NBEA: variants seen among roughly 807,000 people sequenced by gnomAD.
The protein encoded by NBEA is lysosomal-trafficking regulator 2.
Under a neutral mutation model 343.4 loss-of-function variants are expected in NBEA, and 44 were observed. The observed-to-expected ratio is 0.13, with a 90% confidence interval of 0.10 to 0.16. The LOEUF (loss-of-function observed/expected upper bound fraction) is 0.16, where lower values mean the gene tolerates loss of function less well. Ranked by LOEUF, NBEA falls within the 10% of genes least tolerant of loss-of-function variation. The pLI is 1.00. For synonymous variants in NBEA, 1,175 were observed against 1,238.7 expected (o/e 0.95, Z 1.08); for missense variants, 2,555 against 3,631.3 (o/e 0.70, Z 7.62).
chr13:35,306,494 A>T (rs1049397859), intron 35 of NBEA, among the ~76,000 whole-genome samples: 1 of 151,938 alleles, frequency 6.6e-6, no homozygotes, highest in Admixed American at 6.6e-5. Context: ...TTTTTAATGT[A>T]TACAATATCT....
chr13:35,164,587 A>G (rs1371343448), intron 24 of NBEA, 78 bp downstream of exon 24: 1 of 1,440,676 alleles, frequency 6.9e-7, no homozygotes, highest in African/African-American at 1.4e-5. Context: ...TCTAGGCTAT[A>G]AACACATTTT....
rs766699214 is a variant in NBEA, at chr13:35,157,249, C to G, written c.2823C>G (p.Thr941=). 2.5e-6 allele frequency: 4 copies of G among 1,585,898 alleles called. No individual in the cohort carries two copies. Among genetic ancestry groups the G allele is most frequent in the South Asian group, 1.2e-5 (1 of 84,786 alleles). ...GAGGCTGGAGAGTCTGGGTGGATAC[C>G]CTCTCAATAGCCCATTCCAAGGTAA... The part of the protein sequence containing the change: ...EWGGWRVWVD[T]LSIAHSKVTY... Residue 941 remains threonine (T), a synonymous_variant, in exon 21 of 59, where the codon ACC becomes ACG. Transcript: ENST00000379939.
chr13:35,522,858 CT>C (rs1230399704), intron 41 of NBEA, among the ~76,000 whole-genome samples: 8 of 152,120 alleles, frequency 5.3e-5, no homozygotes, highest in Non-Finnish European at 7.4e-5. Flanking sequence ...CCCTCACCCC[CT>C]GGTCCGTGAA....
chr13:35,346,163 T>C (rs1294705394), intron 36 of NBEA, among the ~76,000 whole-genome samples: 1 of 152,106 alleles, frequency 6.6e-6, no homozygotes, highest in Non-Finnish European at 1.5e-5. Flanking sequence ...TCTAATCCAC[T>C]GCTTTGCTCC....
chr13:35,303,976 A>G (rs1031775799), intron 35 of NBEA, among the ~76,000 whole-genome samples: 11 of 152,290 alleles, frequency 7.2e-5, no homozygotes, highest in African/African-American at 2.6e-4. Context: ...TTCCTGAAAT[A>G]CGAAAATGAC....
rs867200977 is a variant in NBEA at position 35,361,242 on chromosome 13, A to G, written c.6179+8919A>G. On this transcript the variant is annotated intron_variant, in intron 38 of 58. Transcript: ENST00000379939. ...CATTCAGCAAAAATATTCTCTAGAA[A>G]TGAAGGCAAAATTAAAACATTCTCA... 9.9e-4 allele frequency among the ~76,000 whole-genome samples: 150 copies of G among 152,200 alleles called. 1 individual carries two copies. The highest frequency in any genetic ancestry group is 6.8e-3 in the Middle Eastern group (2 of 294).
At chr13:35,635,492 T>G (rs763913505) in intron 49 of NBEA, among the ~76,000 whole-genome samples, 5 of 152,190 alleles carry the variant, frequency 3.3e-5, no homozygotes, top group Admixed American at 6.5e-5. Context: ...GGATGAAAAT[T>G]TTAACAGATT....
chr13:35,550,169 A>G (rs915144517), intron 41 of NBEA, among the ~76,000 whole-genome samples: 4 of 152,174 alleles, frequency 2.6e-5, no homozygotes, highest in Non-Finnish European at 5.9e-5. Flanking sequence ...AACCAACAAT[A>G]TATGTCTCAC....
At chr13:35,494,629 T>C (rs746796591) in intron 41 of NBEA, among the ~76,000 whole-genome samples, 13 of 151,878 alleles carry the variant, frequency 8.6e-5, no homozygotes, top group Non-Finnish European at 1.8e-4. Flanking sequence ...ACAAAAAAGA[T>C]ATGAAAGATA....
intron 1 of NBEA, among the ~76,000 whole-genome samples, chr13:34,996,582 G>C (rs1467070154): frequency 6.6e-6 from 1 of 151,958 alleles, no homozygotes; most frequent in Non-Finnish European, 1.5e-5. Context: ...TCTATCTATT[G>C]AGTGGTCCCA....
rs185603108 is a variant in NBEA at position 35,482,755 on chromosome 13, C to A, written c.6585+10219C>A. 4.6e-5 allele frequency among the ~76,000 whole-genome samples: 7 copies of A among 151,740 alleles called. No individual in the cohort carries two copies. The East Asian group carries it at 1.2e-3, about 25-fold the overall frequency. ...GTTAGATATGTCGATGTGTACTTTG[C>A]ATACAGTAGTATTCCATGATTTTTC... On this transcript the variant is annotated intron_variant, in intron 41 of 58. Coordinates refer to ENST00000379939, the MANE Select transcript of NBEA (RefSeq NM_001385012.1).
chr13:35,150,831 G>GAGTAGAGTAGAGTA (rs1555320215), intron 18 of NBEA, among the ~76,000 whole-genome samples: 2 of 151,592 alleles, frequency 1.3e-5, no homozygotes, highest in Non-Finnish European at 2.9e-5. Context: ...GAGTAGAGTA[G>GAGTAGAGTAGAGTA]GAGGCCAGGC....
chr13:34,957,038 T>C (rs1481419108), intron 1 of NBEA, among the ~76,000 whole-genome samples: 5 of 149,004 alleles, frequency 3.4e-5, no homozygotes, highest in African/African-American at 1.0e-4. Flanking sequence ...CACACACACA[T>C]ATATATACAC....
intron 38 of NBEA, among the ~76,000 whole-genome samples, chr13:35,410,761 C>T (rs1290562063): frequency 6.6e-6 from 1 of 151,938 alleles, no homozygotes; most frequent in African/African-American, 2.4e-5. Flanking sequence ...GATTAGGAAA[C>T]AAAAAGAAGT....
At chr13:35,243,017 T>A (rs2030577368) in intron 34 of NBEA, among the ~76,000 whole-genome samples, 1 of 151,850 alleles carries the variant, frequency 6.6e-6, no homozygotes, top group South Asian at 2.1e-4. Flanking sequence ...TTATTATAAT[T>A]TTGGTTCTAC....
At chr13:35,553,857 C>T (rs545237286) in intron 43 of NBEA, among the ~76,000 whole-genome samples, 2 of 152,164 alleles carry the variant, frequency 1.3e-5, no homozygotes, top group South Asian at 2.1e-4. Context: ...ACTATTTGCT[C>T]GAGTTAGTTC....
At chr13:35,106,473 G>A (rs1375354854) in intron 11 of NBEA, among the ~76,000 whole-genome samples, 1 of 151,740 alleles carries the variant, frequency 6.6e-6, no homozygotes, top group Non-Finnish European at 1.5e-5. Flanking sequence ...GGATCAGGAG[G>A]ATAAAAGATG....
Position 35,478,902 on chromosome 13 carries a change from G to A in NBEA, c.6585+6366G>A, listed in dbSNP as rs2076001920. Among the ~76,000 whole-genome samples, 3 of 152,364 alleles carry A rather than the reference G, an allele frequency of 2.0e-5. No individual in the cohort carries two copies. The South Asian group carries it at 6.2e-4, about 32-fold the overall frequency. ...AGGGCTGTTCGGGGGACCTTAAGTG[G>A]GTCCAACGGGAAGGACGCGGGCCTG... On this transcript the variant is annotated intron_variant, in intron 41 of 58. Transcript: ENST00000379939.
intron 1 of NBEA, among the ~76,000 whole-genome samples, chr13:35,008,253 A>G (rs1000176321): frequency 6.6e-6 from 1 of 152,316 alleles, no homozygotes; most frequent in Admixed American, 6.5e-5. Context: ...TGGTTTTAGT[A>G]TACAATTTTC....
Sources: allele counts gnomAD v4.1 joint callset (sites outside exome capture counted in the v4.1 genomes callset), GRCh38; gene constraint gnomAD v4.1.1; transcripts MANE v1.5; gene names NCBI Gene and HGNC (gene_info 2026-07-23, HGNC 2026-07-21).